PTPRM: variants seen among roughly 807,000 people sequenced by gnomAD.
PTPRM encodes protein tyrosine phosphatase receptor type M, also known as receptor-type tyrosine-protein phosphatase mu.
In PTPRM, 47 loss-of-function variants were observed where a neutral mutation model predicts 186.7. That is an observed-to-expected ratio of 0.25 (90% CI 0.20 to 0.32). The LOEUF is 0.32. Ranked by LOEUF, PTPRM falls within the 10% of genes least tolerant of loss-of-function variation. PTPRM has a pLI of 1.00. For missense variants in PTPRM, 1,494 were observed against 1,865.0 expected (o/e 0.80, Z 3.66); for synonymous variants, 668 against 674.9 (o/e 0.99, Z 0.16).
At chr18:8,244,275 A>G in intron 15 of PTPRM, 66 bp downstream of exon 15, 5 of 1,157,648 alleles carry the variant, frequency 4.3e-6, no homozygotes, top group Non-Finnish European at 5.7e-6. Flanking sequence ...AGGTGGTACT[A>G]GGGGATTTCA....
intron 1 of PTPRM, among the ~76,000 whole-genome samples, chr18:7,643,030 A>C (rs1322298380): frequency 2.0e-5 from 3 of 151,908 alleles, no homozygotes; most frequent in African/African-American, 7.2e-5. Flanking sequence ...TATTTAGTAT[A>C]ATATTTTATA....
intron 1 of PTPRM, among the ~76,000 whole-genome samples, chr18:7,612,444 C>T (rs564142505): frequency 2.7e-4 from 41 of 152,280 alleles, no homozygotes; most frequent in Non-Finnish European, 4.4e-4. Context: ...ACAGATTTAT[C>T]GCACTTTCTA....
intron 3 of PTPRM, among the ~76,000 whole-genome samples, chr18:7,901,148 C>T (rs2049655959): frequency 6.6e-6 from 1 of 152,296 alleles, no homozygotes; most frequent in African/African-American, 2.4e-5. Flanking sequence ...TTCACTAGAG[C>T]AATACCTGTA....
At chr18:8,322,707 A>G (rs2095353308) in intron 22 of PTPRM, among the ~76,000 whole-genome samples, 1 of 152,158 alleles carries the variant, frequency 6.6e-6, no homozygotes, top group African/African-American at 2.4e-5. Context: ...AACCTTGGAG[A>G]TTATGTGGCC....
intron 1 of PTPRM, among the ~76,000 whole-genome samples, chr18:7,649,852 CAA>C (rs34755268): frequency 2.0e-5 from 3 of 151,850 alleles, no homozygotes; most frequent in African/African-American, 7.3e-5. Context: ...CCTTCCACCA[CAA>C]AAAAAATTAT....
At chr18:8,286,510 C>A (rs2094958909) in intron 19 of PTPRM, among the ~76,000 whole-genome samples, 1 of 152,220 alleles carries the variant, frequency 6.6e-6, no homozygotes, top group African/African-American at 2.4e-5. Flanking sequence ...CTCTTGTAGA[C>A]TAAGGCTGAC....
intron 3 of PTPRM, among the ~76,000 whole-genome samples, chr18:7,905,913 T>C (rs866539713): frequency 1.3e-5 from 2 of 152,338 alleles, no homozygotes; most frequent in Middle Eastern, 6.8e-3. Context: ...CCTAAAGCAA[T>C]CTGAATCTTA....
intron 22 of PTPRM, among the ~76,000 whole-genome samples, chr18:8,330,976 A>G (rs1225773288): frequency 6.6e-6 from 1 of 152,086 alleles, no homozygotes; most frequent in Non-Finnish European, 1.5e-5. Context: ...GCCACACACT[A>G]CCTACCCCCA....
At chr18:7,703,827 A>C (rs1279019082) in intron 1 of PTPRM, among the ~76,000 whole-genome samples, 9 of 152,144 alleles carry the variant, frequency 5.9e-5, no homozygotes, top group Admixed American at 2.0e-4. Context: ...AATAACTGTT[A>C]CTATTTTGAG....
chr18:7,650,915 T>C (rs977722498), intron 1 of PTPRM, among the ~76,000 whole-genome samples: 4 of 149,644 alleles, frequency 2.7e-5, no homozygotes, highest in Admixed American at 6.7e-5. Flanking sequence ...AATTAGACAA[T>C]AAGATAAGAG....
intron 13 of PTPRM, among the ~76,000 whole-genome samples, chr18:8,115,204 T>C (rs2145731786): frequency 6.6e-6 from 1 of 152,278 alleles, no homozygotes; most frequent in East Asian, 1.9e-4. Context: ...AGGAATAAAA[T>C]ATCACCCACT....
chr18:7,590,250 T>C (rs1776852637), intron 1 of PTPRM, among the ~76,000 whole-genome samples: 1 of 152,198 alleles, frequency 6.6e-6, no homozygotes, highest in Admixed American at 6.5e-5. Flanking sequence ...AATATAACAC[T>C]GGCATCTTAA....
chr18:7,638,967 A>G (rs975131868), intron 1 of PTPRM, among the ~76,000 whole-genome samples: 1 of 152,228 alleles, frequency 6.6e-6, no homozygotes, highest in African/African-American at 2.4e-5. Context: ...GATCATCTTG[A>G]ATAATCTTAA....
At chr18:7,858,598 G>T (rs1312478548) in intron 2 of PTPRM, among the ~76,000 whole-genome samples, 2 of 152,100 alleles carry the variant, frequency 1.3e-5, no homozygotes, top group African/African-American at 4.8e-5. Flanking sequence ...GAAACTTCTA[G>T]TTTTATTGTT....
rs373651191 is a variant in PTPRM, at chr18:8,389,428, A to G, written c.4208+2193A>G. Among the ~76,000 whole-genome samples the G allele has an allele frequency of 7.9e-5, 12 of 152,332 alleles. No individual in the cohort carries two copies. The East Asian group carries it at 2.1e-3, about 27-fold the overall frequency. The stretch of plus-strand genomic sequence containing the variant: ...TGTGACCACAGAACTAACCAGTGAC[A>G]TTGCTGTTCCATGTAAAACCTAAAG... On this transcript the variant is annotated intron_variant, in intron 31 of 32. Transcript: ENST00000580170.
At chr18:8,186,127 A>G (rs1359107290) in intron 14 of PTPRM, among the ~76,000 whole-genome samples, 12 of 152,110 alleles carry the variant, frequency 7.9e-5, no homozygotes, top group Non-Finnish European at 1.5e-5. Flanking sequence ...AGAGATCAAG[A>G]CCATCCTGGC....
intron 2 of PTPRM, among the ~76,000 whole-genome samples, chr18:7,882,340 T>C (rs1296383494): frequency 6.6e-6 from 1 of 151,972 alleles, no homozygotes; most frequent in Non-Finnish European, 1.5e-5. Flanking sequence ...CAACAACTGG[T>C]TTTTCATTAC....
At chr18:7,794,920 G>C (rs1016262029) in intron 2 of PTPRM, among the ~76,000 whole-genome samples, 1 of 152,152 alleles carries the variant, frequency 6.6e-6, no homozygotes, top group African/African-American at 2.4e-5. Context: ...GTGGCTGTCA[G>C]CTCCCTCCAC....
rs144888327 is a variant in PTPRM, at chr18:8,173,017, G to A, written c.2300+29238G>A. 4.7e-3 allele frequency among the ~76,000 whole-genome samples: 718 copies of A among 152,276 alleles called. 7 individuals carry two copies. The highest frequency in any genetic ancestry group is 0.018 in the South Asian group (89 of 4,826). On this transcript the variant is annotated intron_variant, in intron 14 of 32. Transcript: ENST00000580170. ...TTTTCATCTTTCTTAATAAGGAACTGTACTCAGTTCAGGGATTAGGAGTGG... is the reference window on the plus strand; with the variant it reads ...TTTTCATCTTTCTTAATAAGGAACTATACTCAGTTCAGGGATTAGGAGTGG...
Sources: allele counts gnomAD v4.1 joint callset (sites outside exome capture counted in the v4.1 genomes callset), GRCh38; gene constraint gnomAD v4.1.1; transcripts MANE v1.5; gene names NCBI Gene and HGNC (gene_info 2026-07-23, HGNC 2026-07-21).